The following RAB11FIP1 variants were observed in gnomAD, a reference collection of about 807,000 sequenced individuals.
RAB11FIP1 encodes the protein rab11 family-interacting protein 1.
In RAB11FIP1, 49 loss-of-function variants were observed where a neutral mutation model predicts 83.1. That is an observed-to-expected ratio of 0.59 (90% CI 0.47 to 0.75). The LOEUF (loss-of-function observed/expected upper bound fraction) is 0.75, where lower values mean the gene tolerates loss of function less well. Ranked by LOEUF, RAB11FIP1 falls within the 30% of genes least tolerant of loss-of-function variation. The pLI, the probability that RAB11FIP1 is intolerant of heterozygous loss-of-function variation, is 0.00. For missense variants in RAB11FIP1, 1,536 were observed against 1,598.7 expected (o/e 0.96, Z 0.67); for synonymous variants, 670 against 656.0 (o/e 1.02, Z -0.33).
At position 37,875,014 on chromosome 8, in the gene RAB11FIP1, G is replaced by A. The variant is rs200505755; in HGVS notation, c.1123C>T (p.Leu375=). The change falls in exon 3 of 6, where the codon CTG becomes TTG. Residue 375 remains leucine, a synonymous_variant. Coordinates refer to ENST00000330843, the MANE Select transcript of RAB11FIP1 (RefSeq NM_001002814.3). ...SWKEPAEGGG[L]SSDRQLSESS... Reference sequence around the variant, plus strand: ...TCGGAGAGCTGCCTGTCAGAAGACAGCCCACCTCCTTCAGCAGGCTCCTTC... The same window carrying A: ...TCGGAGAGCTGCCTGTCAGAAGACAACCCACCTCCTTCAGCAGGCTCCTTC... 6 of 1,614,124 alleles carry A rather than the reference G, an allele frequency of 3.7e-6. No homozygotes were observed. The East Asian group carries it at 1.3e-4, about 36-fold the overall frequency.
chr8:37,895,108 C>T (rs1807037770), intron 1 of RAB11FIP1, among the ~76,000 whole-genome samples: 1 of 139,998 alleles, frequency 7.1e-6, no homozygotes, highest in African/African-American at 2.6e-5. Context: ...CTCTGTTGCC[C>T]AAGCTGGAGT....
intron 1 of RAB11FIP1, among the ~76,000 whole-genome samples, chr8:37,892,517 C>T (rs985732373): frequency 2.0e-5 from 3 of 151,824 alleles, no homozygotes; most frequent in African/African-American, 2.4e-5. Flanking sequence ...TGCAATGGCG[C>T]AGTCTCAGCT....
rs547154259 is a variant in RAB11FIP1, at chr8:37,884,045, T to G, written c.372-6494A>C. Among the ~76,000 whole-genome samples the G allele has an allele frequency of 2.2e-5, 3 of 134,510 alleles. 1 individual carries two copies. Among genetic ancestry groups the G allele is most frequent in the African/African-American group, 1.2e-4 (3 of 25,182 alleles). 88.2% of individuals were successfully genotyped at this position (134,510 alleles called of 152,430 possible). ...GGATATGTAGAAAGTGACATAATTT[T>G]ATTTATTTATTTATTTATTTATTTA... On this transcript the variant is annotated intron_variant, in intron 1 of 5. Coordinates refer to ENST00000330843, the MANE Select transcript of RAB11FIP1 (RefSeq NM_001002814.3).
chr8:37,895,703 A>G (rs1807075309), intron 1 of RAB11FIP1, among the ~76,000 whole-genome samples: 1 of 152,078 alleles, frequency 6.6e-6, no homozygotes, highest in African/African-American at 2.4e-5. Context: ...AGTATATGTC[A>G]TCACATCTTG....
At position 37,859,011 on chromosome 8, in the gene RAB11FIP1, G is replaced by A. The variant is rs1359822663; in HGVS notation, c.*3884C>T. On this transcript the variant is annotated 3_prime_UTR_variant, in exon 6 of 6. Coordinates refer to ENST00000330843, the MANE Select transcript of RAB11FIP1 (RefSeq NM_001002814.3). ...AAATGTTGGGTTACTTCTTAAAAAC[G>A]AAACCAAAGAAATTCAAAAGTCCCA... 3 of 152,094 alleles carry A rather than the reference G, an allele frequency of 2.0e-5. No individual in the cohort carries two copies. Among genetic ancestry groups the A allele is most frequent in the Admixed American group, 6.6e-5 (1 of 15,260 alleles). The allele number at this position is 152,094 out of a possible 1,614,324, so 9.4% of individuals were successfully genotyped here.
intron 5 of RAB11FIP1, among the ~76,000 whole-genome samples, chr8:37,865,704 T>C (rs919073450): frequency 6.6e-6 from 1 of 152,234 alleles, no homozygotes; most frequent in African/African-American, 2.4e-5. Context: ...TTAATAAGCA[T>C]TTTTTCCATC....
At chr8:37,864,327 C>T (rs1231110668) in intron 5 of RAB11FIP1, among the ~76,000 whole-genome samples, 1 of 152,204 alleles carries the variant, frequency 6.6e-6, no homozygotes, top group African/African-American at 2.4e-5. Context: ...AAGTCACATG[C>T]TGTGTAAGTC....
In RAB11FIP1 at chr8:37,874,517, G is replaced by A. The variant is rs1351300237; in HGVS notation, c.1620C>T (p.Pro540=). 1 of 1,613,476 alleles carries A rather than the reference G, an allele frequency of 6.2e-7. No individual in the cohort carries two copies. The highest frequency in any genetic ancestry group is 2.2e-5 in the East Asian group (1 of 44,874). Residue 540 remains proline (P), a splice_region_variant and synonymous_variant, in exon 3 of 6, where the codon CCC becomes CCT. Coordinates refer to ENST00000330843, the MANE Select transcript of RAB11FIP1 (RefSeq NM_001002814.3). ...PRAPQTRAVK[P]RLEVSPEAQP... is the part of the protein sequence containing the mutation. ...GCACGAGAAGAGCCAAAACTCACCG[G>A]GGCTTGACAGCTCTGGTCTGGGGAG...
chr8:37,865,410 C>T (rs897720284), intron 5 of RAB11FIP1, among the ~76,000 whole-genome samples: 1 of 151,508 alleles, frequency 6.6e-6, no homozygotes, highest in Non-Finnish European at 1.5e-5. Flanking sequence ...ACCTCTGCCT[C>T]CCAGGTTCAA....
intron 1 of RAB11FIP1, among the ~76,000 whole-genome samples, chr8:37,879,213 C>T (rs1307854446): frequency 6.6e-6 from 1 of 152,024 alleles, no homozygotes; most frequent in Non-Finnish European, 1.5e-5. Flanking sequence ...GAGGTTGAAG[C>T]AGGAGAATTG....
intron 1 of RAB11FIP1, among the ~76,000 whole-genome samples, chr8:37,886,452 G>A (rs1806837269): frequency 1.3e-5 from 2 of 152,218 alleles, no homozygotes. Context: ...CAGGTCTCCA[G>A]GAAAGGCCAG....
Position 37,863,120 on chromosome 8 carries a change from A to AG in RAB11FIP1, c.3634-8dup, listed in dbSNP as rs761095331. 1.3e-4 allele frequency: 205 copies of AG among 1,605,254 alleles called. No individual in the cohort carries two copies. The highest frequency in any genetic ancestry group is 1.6e-4 in the Non-Finnish European group (192 of 1,175,240). ...GGTCCGAGGGGCTGTATTTCTTTGG[A>AG]GGGGGGGAAATAGTTGGGAAAAAGG... On this transcript the variant is annotated splice_region_variant and splice_polypyrimidine_tract_variant and intron_variant, in intron 5 of 5. Coordinates refer to ENST00000330843, the MANE Select transcript of RAB11FIP1 (RefSeq NM_001002814.3).
In RAB11FIP1 at chr8:37,872,804, C is replaced by G; in HGVS notation, c.1998G>C (p.Gly666=). ...FKQPSFPANK[G]TEDSLMGRTR... ...TCCTGCCCATCAGAGAATCTTCTGT[C>G]CCTTTATTTGCTGGAAAGGATGGCT... Residue 666 remains glycine (G), a synonymous_variant, in exon 4 of 6, where the codon GGG becomes GGC. Transcript: ENST00000330843. 1 of 1,614,212 alleles carries G rather than the reference C, an allele frequency of 6.2e-7. No homozygotes were observed. Among genetic ancestry groups the G allele is most frequent in the East Asian group, 2.2e-5 (1 of 44,890 alleles).
intron 5 of RAB11FIP1, among the ~76,000 whole-genome samples, chr8:37,869,224 T>C (rs1408625288): frequency 1.4e-5 from 1 of 73,106 alleles, no homozygotes; most frequent in Non-Finnish European, 2.5e-5. Context: ...TGAGATCCTG[T>C]ATCAAAAAAA....
At chr8:37,870,715 G>A in intron 4 of RAB11FIP1, 187 bp from the exon 5 acceptor site, 1 of 509,560 alleles carries the variant, frequency 2.0e-6, no homozygotes, top group Non-Finnish European at 3.5e-6. Flanking sequence ...GGACAGGGCT[G>A]CCACATGCAA....
chr8:37,867,000 G>A (rs182430601), intron 5 of RAB11FIP1, among the ~76,000 whole-genome samples: 2 of 152,328 alleles, frequency 1.3e-5, no homozygotes, highest in Non-Finnish European at 2.9e-5. Context: ...TTTGAGCTAA[G>A]TTATTCTCTT....
chr8:37,890,773 CAAAAA>C (rs35503716), intron 1 of RAB11FIP1, among the ~76,000 whole-genome samples: 1 of 77,818 alleles, frequency 1.3e-5, no homozygotes, highest in Non-Finnish European at 2.8e-5. Flanking sequence ...AAAATTCTGC[CAAAAA>C]AAAAAAAAAA....
intron 1 of RAB11FIP1, among the ~76,000 whole-genome samples, chr8:37,896,073 G>A (rs1184104672): frequency 6.6e-6 from 1 of 152,040 alleles, no homozygotes; most frequent in Non-Finnish European, 1.5e-5. Flanking sequence ...ACTTTGGGAG[G>A]CTGAGGCGGG....
intron 4 of RAB11FIP1, chr8:37,871,016 C>A (rs1268870320): frequency 1.1e-5 from 5 of 436,614 alleles, no homozygotes; most frequent in Non-Finnish European, 2.0e-5. Flanking sequence ...GGTGGCATTG[C>A]GTTTCTGCAA....
Sources: gnomAD v4.1 joint callset for allele counts (sites outside exome capture counted in the v4.1 genomes callset) on GRCh38, gnomAD v4.1.1 for gene constraint, MANE v1.5 for transcripts, NCBI Gene and HGNC (gene_info 2026-07-23, HGNC 2026-07-21) for gene names.